The following TMEM51 variants were observed in gnomAD, a reference collection of about 807,000 sequenced individuals.
TMEM51 encodes transmembrane protein 51.
In TMEM51, 8 loss-of-function variants were observed where a neutral mutation model predicts 13.6. That is an observed-to-expected ratio of 0.59 (90% CI 0.35 to 1.07). The LOEUF is 1.07. Ranked by LOEUF, TMEM51 falls within the 50% of genes least tolerant of loss-of-function variation. TMEM51 has a pLI of 0.02. For synonymous variants in TMEM51, 147 were observed against 144.4 expected (o/e 1.02, Z -0.13); for missense variants, 279 against 330.7 (o/e 0.84, Z 1.21).
chr1:15,209,967 G>A lies in TMEM51; in HGVS notation c.-266-523G>A, dbSNP rs541988923. 2.0e-5 allele frequency among the ~76,000 whole-genome samples: 3 copies of A among 152,232 alleles called. No individual in the cohort carries two copies. In the East Asian group the frequency reaches 5.8e-4, roughly 29 times the overall value. ...AATTGTATGAACCCAGGAGGCGGAG[G>A]TTGCAGTGAGCTGAGATCACACCAC... On this transcript the variant is annotated intron_variant, in intron 1 of 3. Coordinates refer to ENST00000376008, the MANE Select transcript of TMEM51 (RefSeq NM_001136218.2).
At chr1:15,219,297 A>C (rs1198442030) in intron 3 of TMEM51, 29 bp from the exon 4 acceptor site, 5 of 1,549,698 alleles carry the variant, frequency 3.2e-6, no homozygotes, top group Middle Eastern at 1.8e-4. Flanking sequence ...ACAGGCTAAC[A>C]CTCTCCCTGT....
At chr1:15,213,669 G>A (rs1892197) in intron 2 of TMEM51, among the ~76,000 whole-genome samples, 107,870 of 151,964 alleles carry the variant, frequency 0.71, 38,649 homozygotes, top group East Asian at 0.95. Context: ...AGGGTCTCTG[G>A]GCTGCTTTGT....
At chr1:15,199,144 T>C (rs1644105678) in intron 1 of TMEM51, among the ~76,000 whole-genome samples, 2 of 151,786 alleles carry the variant, frequency 1.3e-5, no homozygotes, top group African/African-American at 4.8e-5. Flanking sequence ...ACTTTTTTTT[T>C]TTTTGGAGAC....
chr1:15,164,858 A>T (rs917131729), intron 1 of TMEM51, among the ~76,000 whole-genome samples: 1 of 135,438 alleles, frequency 7.4e-6, no homozygotes, highest in Admixed American at 8.5e-5. Flanking sequence ...GCCAGAGTGC[A>T]GTGGCACAAT....
intron 1 of TMEM51, among the ~76,000 whole-genome samples, chr1:15,186,622 AAATGAAATTGTGCAT>A (rs1234068179): frequency 6.6e-6 from 1 of 152,188 alleles, no homozygotes; most frequent in Non-Finnish European, 1.5e-5. Context: ...GGGGAAGATT[AAATGAAATTGTGCAT>A]GGAAATTAAC....
In TMEM51 at chr1:15,215,484, A is replaced by G. The variant is rs1644417288; in HGVS notation, c.344+53A>G. 25 of 1,449,696 alleles carry G rather than the reference A, an allele frequency of 1.7e-5. No homozygotes were observed. The East Asian group carries it at 4.3e-4, about 25-fold the overall frequency. 89.8% of individuals were successfully genotyped at this position (1,449,696 alleles called of 1,614,324 possible). ...CCGGATCGGGGATGGGCACGCACGC[A>G]TGCACACACATGTTCACACCTTTCC... On this transcript the variant is annotated intron_variant, in intron 3 of 3. Transcript: ENST00000376008.
rs1050003093 is a variant in TMEM51, at chr1:15,170,781, T to G, written c.-267+16827T>G. On this transcript the variant is annotated intron_variant, in intron 1 of 3. Coordinates refer to ENST00000376008, the MANE Select transcript of TMEM51 (RefSeq NM_001136218.2). The stretch of plus-strand genomic sequence containing the variant: ...TCTCCCTCTGTCGCCCAGGCTGGAG[T>G]GCAGTGTTGCGATCTCAGCTCACTG... Among the ~76,000 whole-genome samples, 5 of 151,832 alleles carry G rather than the reference T, an allele frequency of 3.3e-5. No homozygotes were observed. The East Asian group carries it at 5.9e-4, about 18-fold the overall frequency.
intron 1 of TMEM51, among the ~76,000 whole-genome samples, chr1:15,189,050 A>C (rs1024654775): frequency 5.9e-5 from 9 of 151,748 alleles, no homozygotes; most frequent in African/African-American, 2.2e-4. Flanking sequence ...GTCATTATAT[A>C]TTTTTTTGGA....
At chr1:15,180,986 A>G (rs756270059) in intron 1 of TMEM51, among the ~76,000 whole-genome samples, 2 of 152,132 alleles carry the variant, frequency 1.3e-5, no homozygotes, top group Non-Finnish European at 2.9e-5. Flanking sequence ...ATCAATGCAG[A>G]AGACCCCCTG....
At chr1:15,171,463 C>A in intron 1 of TMEM51, 1 of 632,438 alleles carries the variant, frequency 1.6e-6, no homozygotes, top group Non-Finnish European at 2.3e-6. Flanking sequence ...AGTCTACAGC[C>A]AGCCGTTGTC....
intron 3 of TMEM51, among the ~76,000 whole-genome samples, chr1:15,217,255 C>G (rs12071760): frequency 0.15 from 23,249 of 152,152 alleles, 1,978 homozygotes; most frequent in East Asian, 0.3. Flanking sequence ...CAGTTACCAC[C>G]CCTTTCCATG....
intron 1 of TMEM51, among the ~76,000 whole-genome samples, chr1:15,162,916 C>T (rs1248264500): frequency 2.0e-5 from 3 of 151,798 alleles, no homozygotes; most frequent in Non-Finnish European, 2.9e-5. Flanking sequence ...AAAATGAAAG[C>T]GTTCTGTGAA....
chr1:15,218,910 A>G (rs552904716), intron 3 of TMEM51, among the ~76,000 whole-genome samples: 4 of 152,290 alleles, frequency 2.6e-5, no homozygotes, highest in East Asian at 1.9e-4. Flanking sequence ...AAGAGCCCCT[A>G]TGTGGCCAAC....
chr1:15,170,356 A>AT (rs1557835135), intron 1 of TMEM51, among the ~76,000 whole-genome samples: 1 of 44,070 alleles, frequency 2.3e-5, no homozygotes. Context: ...GTTTTTTTTT[A>AT]TCTTTTTTTT....
chr1:15,215,919 G>C (rs12067242), intron 3 of TMEM51, among the ~76,000 whole-genome samples: 21,647 of 152,070 alleles, frequency 0.14, 1,757 homozygotes, highest in East Asian at 0.3. Flanking sequence ...CCCAGCTACT[G>C]GGGAGGCTGA....
At chr1:15,174,610 C>T (rs375005888) in intron 1 of TMEM51, among the ~76,000 whole-genome samples, 1 of 152,140 alleles carries the variant, frequency 6.6e-6, no homozygotes. Context: ...AAATTTCATT[C>T]GTTATTTGAG....
Position 15,215,184 on chromosome 1 carries a change from C to T in TMEM51, c.97C>T (p.Leu33=). 1 of 1,614,236 alleles carries T rather than the reference C, an allele frequency of 6.2e-7. No homozygotes were observed. Among genetic ancestry groups the T allele is most frequent in the South Asian group, 1.1e-5 (1 of 91,082 alleles). Reference sequence around the variant, plus strand: ...TGGGGTGATCATGGCCATGTGGAACCTGGTACCCGGCTTCAGCGCGGCCGA... The same window carrying T: ...TGGGGTGATCATGGCCATGTGGAACTTGGTACCCGGCTTCAGCGCGGCCGA... ...VLGVIMAMWN[L]VPGFSAAEKP... The change falls in exon 3 of 4, where the codon CTG becomes TTG. Residue 33 remains leucine (L), a synonymous_variant. Transcript: ENST00000376008.
intron 2 of TMEM51, among the ~76,000 whole-genome samples, chr1:15,211,823 C>A (rs796847408): frequency 7.9e-4 from 2 of 2,544 alleles, no homozygotes; most frequent in Admixed American, 5.0e-3. Flanking sequence ...GAAAGGTGAC[C>A]CCCCCCCCCC....
chr1:15,167,326 CAAAAAAAAAAAAAAAAAA>C (rs555274126), intron 1 of TMEM51, among the ~76,000 whole-genome samples: 2,298 of 69,504 alleles, frequency 0.033, 93 homozygotes, highest in African/African-American at 0.11. Flanking sequence ...GACTCCATCT[CAAAAAAAAAAAAAAAAAA>C]AAAAAAAAAA....
Sources: gnomAD v4.1 joint callset for allele counts (sites outside exome capture counted in the v4.1 genomes callset) on GRCh38, gnomAD v4.1.1 for gene constraint, MANE v1.5 for transcripts, NCBI Gene and HGNC (gene_info 2026-07-23, HGNC 2026-07-21) for gene names.